THADA: variants seen among roughly 807,000 people sequenced by gnomAD.
The protein encoded by THADA is tRNA (32-2'-O)-methyltransferase regulator THADA.
In THADA, 213 loss-of-function variants were observed where a neutral mutation model predicts 219.8. That is an observed-to-expected ratio of 0.97 (90% confidence interval 0.87 to 1.09). THADA has a LOEUF of 1.09. THADA is among the 50% of genes least tolerant of loss of function. The pLI, the probability that THADA is intolerant of heterozygous loss-of-function variation, is 0.00. For synonymous variants in THADA, 1,018 were observed against 828.9 expected (o/e 1.23, Z -3.92); for missense variants, 2,956 against 2,311.3 (o/e 1.28, Z -5.72).
intron 36 of THADA, among the ~76,000 whole-genome samples, chr2:43,273,020 G>A (rs1023508343): frequency 2.6e-5 from 4 of 151,918 alleles, no homozygotes; most frequent in Non-Finnish European, 4.4e-5. Flanking sequence ...AGGCCAAGGC[G>A]GGCAGATTAC....
intron 36 of THADA, among the ~76,000 whole-genome samples, chr2:43,247,106 C>T (rs1669234682): frequency 6.6e-6 from 1 of 152,316 alleles, no homozygotes; most frequent in East Asian, 1.9e-4. Flanking sequence ...CAGGGGTCCA[C>T]TGCCCAGAAA....
chr2:43,419,581 T>A (rs1000646813), intron 28 of THADA, among the ~76,000 whole-genome samples: 2 of 152,184 alleles, frequency 1.3e-5, no homozygotes, highest in African/African-American at 2.4e-5. Flanking sequence ...CCAATTCTTA[T>A]TTTCTTCTGG....
intron 31 of THADA, among the ~76,000 whole-genome samples, chr2:43,299,683 AC>A (rs1263267453): frequency 6.6e-6 from 1 of 151,590 alleles, no homozygotes; most frequent in East Asian, 1.9e-4. Flanking sequence ...ACCAACAAAA[AC>A]CTATAAAAAT....
intron 31 of THADA, among the ~76,000 whole-genome samples, chr2:43,308,658 C>T (rs547401627): frequency 2.7e-5 from 4 of 150,596 alleles, no homozygotes; most frequent in African/African-American, 9.8e-5. Context: ...GCCATGATCT[C>T]GCCATTGCAC....
intron 26 of THADA, among the ~76,000 whole-genome samples, chr2:43,433,896 C>T (rs1679721148): frequency 6.6e-6 from 1 of 152,162 alleles, no homozygotes; most frequent in Admixed American, 6.5e-5. Context: ...ACTATGTTGG[C>T]CAGGCTGGTC....
intron 29 of THADA, among the ~76,000 whole-genome samples, chr2:43,351,553 CTTTAA>C (rs1668262063): frequency 6.6e-6 from 1 of 152,206 alleles, no homozygotes; most frequent in Non-Finnish European, 1.5e-5. Context: ...CCAACATCTC[CTTTAA>C]TTTGATGATT....
chr2:43,548,382 G>A (rs1320502889), intron 20 of THADA, among the ~76,000 whole-genome samples: 3 of 152,206 alleles, frequency 2.0e-5, no homozygotes, highest in South Asian at 2.1e-4. Flanking sequence ...TGGGAGAACC[G>A]CTGCTCTCTT....
At chr2:43,494,955 T>G (rs1453298195) in intron 25 of THADA, among the ~76,000 whole-genome samples, 1 of 152,216 alleles carries the variant, frequency 6.6e-6, no homozygotes, top group Non-Finnish European at 1.5e-5. Context: ...ATTAAGTTCA[T>G]TTTACATGTG....
intron 36 of THADA, among the ~76,000 whole-genome samples, chr2:43,256,895 C>T (rs902172577): frequency 1.3e-5 from 2 of 152,128 alleles, no homozygotes; most frequent in African/African-American, 4.8e-5. Flanking sequence ...CGTTTTTATT[C>T]ATATTTTAAT....
chr2:43,327,193 A>T (rs752672996), intron 30 of THADA, among the ~76,000 whole-genome samples: 10 of 152,334 alleles, frequency 6.6e-5, no homozygotes, highest in Middle Eastern at 3.4e-3. Context: ...CCAAAAAATC[A>T]AACAGGTGCA....
intron 1 of THADA, among the ~76,000 whole-genome samples, chr2:43,595,142 G>C (rs1419772645): frequency 6.6e-6 from 1 of 152,196 alleles, no homozygotes; most frequent in African/African-American, 2.4e-5. Flanking sequence ...AGATGTTCTA[G>C]AAGGGATATA....
In THADA at chr2:43,551,881, A is replaced by G; in HGVS notation, c.2855T>C (p.Leu952Pro). Residue 952 changes from leucine (L) to proline (P), a missense_variant, in exon 19 of 38, where the codon CTC (leucine) becomes CCC (proline). Transcript: ENST00000405975. ...VSEWRPVVEKLLLMSYRLSTV... is the reference protein window; with the variant it reads ...VSEWRPVVEKPLLMSYRLSTV... ...GGAAAGCCTGTAGGACATCAAAAGG[A>G]GCTTCTCTACCACAGGTCTCCACTC... 6.2e-7 allele frequency: 1 copy of G among 1,613,878 alleles called. No individual in the cohort carries two copies. The highest frequency in any genetic ancestry group is 8.5e-7 in the Non-Finnish European group (1 of 1,179,844).
chr2:43,327,671 T>A (rs1290378425), intron 30 of THADA, among the ~76,000 whole-genome samples: 5 of 152,138 alleles, frequency 3.3e-5, no homozygotes, highest in African/African-American at 1.2e-4. Context: ...CTCTGGAGGC[T>A]GACATGGAAG....
At chr2:43,514,597 ATTT>A (rs1478782789) in intron 22 of THADA, among the ~76,000 whole-genome samples, 1,719 of 96,408 alleles carry the variant, frequency 0.018, 16 homozygotes, top group African/African-American at 0.03. Flanking sequence ...ATATATGTAT[ATTT>A]TATATATATT....
At chr2:43,371,551 G>A (rs1018847823) in intron 29 of THADA, among the ~76,000 whole-genome samples, 1 of 152,102 alleles carries the variant, frequency 6.6e-6, no homozygotes, top group East Asian at 1.9e-4. Context: ...CAGTAAGAAA[G>A]TGCTCTTATA....
At chr2:43,398,842 T>C (rs940268640) in intron 28 of THADA, among the ~76,000 whole-genome samples, 3 of 152,200 alleles carry the variant, frequency 2.0e-5, no homozygotes, top group African/African-American at 7.2e-5. Flanking sequence ...AATAGCATAG[T>C]ACATGGTCTG....
intron 7 of THADA, among the ~76,000 whole-genome samples, chr2:43,584,037 T>TAAAAA (rs536050936): frequency 3.1e-5 from 2 of 65,566 alleles, no homozygotes; most frequent in African/African-American, 5.9e-5. Flanking sequence ...TTGTCTCAAT[T>TAAAAA]AAAAAAAAAA....
chr2:43,574,255 AAT>A (rs1268383953), intron 11 of THADA, 79 bp downstream of exon 11: 1 of 938,440 alleles, frequency 1.1e-6, no homozygotes, highest in Non-Finnish European at 1.6e-6. Flanking sequence ...TTTAAATTTG[AAT>A]ATGATTAGTA....
At chr2:43,402,417 G>A (rs778257622) in intron 28 of THADA, among the ~76,000 whole-genome samples, 3 of 152,184 alleles carry the variant, frequency 2.0e-5, no homozygotes, top group Non-Finnish European at 2.9e-5. Context: ...GAACCAAGAA[G>A]AGTTCAGAAT....
Sources: allele counts gnomAD v4.1 joint callset (sites outside exome capture counted in the v4.1 genomes callset), GRCh38; gene constraint gnomAD v4.1.1; transcripts MANE v1.5; gene names NCBI Gene and HGNC (gene_info 2026-07-23, HGNC 2026-07-21).